MACROD2: variants seen among roughly 807,000 people sequenced by gnomAD.
MACROD2 encodes ADP-ribose glycohydrolase MACROD2.
A neutral mutation model predicts 70.4 loss-of-function variants in MACROD2; 36 were observed. The observed-to-expected ratio is 0.51, with a 90% confidence interval of 0.39 to 0.68. The LOEUF (loss-of-function observed/expected upper bound fraction) is 0.68, where lower values mean the gene tolerates loss of function less well. Among genes scored for constraint, MACROD2 ranks in the 30% least tolerant of loss-of-function variants. The pLI, the probability that MACROD2 is intolerant of heterozygous loss-of-function variation, is 0.00. For synonymous variants in MACROD2, 172 were observed against 178.8 expected (o/e 0.96, Z 0.30); for missense variants, 496 against 538.4 (o/e 0.92, Z 0.78).
chr20:15,665,695 A>G (rs2049887412), intron 8 of MACROD2, among the ~76,000 whole-genome samples: 1 of 152,202 alleles, frequency 6.6e-6, no homozygotes, highest in South Asian at 2.1e-4. Context: ...GGGAAGGAAG[A>G]TGGTGCATCA....
At chr20:14,520,704 C>T (rs2085157890) in intron 4 of MACROD2, among the ~76,000 whole-genome samples, 1 of 152,136 alleles carries the variant, frequency 6.6e-6, no homozygotes, top group Non-Finnish European at 1.5e-5. Context: ...TCCTGACTTC[C>T]CCAGGTAGAG....
chr20:14,267,963 C>T (rs1292537217), intron 3 of MACROD2, among the ~76,000 whole-genome samples: 1 of 115,668 alleles, frequency 8.6e-6, no homozygotes, highest in Non-Finnish European at 2.1e-5. Flanking sequence ...AAGAGCTACC[C>T]ACAAGCACCA....
intron 3 of MACROD2, among the ~76,000 whole-genome samples, chr20:14,482,417 C>A (rs914068812): frequency 6.6e-6 from 1 of 150,658 alleles, no homozygotes. Flanking sequence ...CCACTTTATT[C>A]CTTACTCTAT....
At chr20:15,875,196 T>C (rs2064650827) in intron 9 of MACROD2, among the ~76,000 whole-genome samples, 1 of 152,158 alleles carries the variant, frequency 6.6e-6, no homozygotes, top group Admixed American at 6.6e-5. Context: ...TGTAAGATAA[T>C]AAGTTTGTGT....
chr20:15,859,833 C>G (rs901620700), intron 8 of MACROD2, among the ~76,000 whole-genome samples: 1 of 151,058 alleles, frequency 6.6e-6, no homozygotes, highest in African/African-American at 2.4e-5. Context: ...GGCAACAGAG[C>G]CTAAATGATA....
At chr20:15,050,247 A>G (rs983402179) in intron 5 of MACROD2, among the ~76,000 whole-genome samples, 44 of 152,170 alleles carry the variant, frequency 2.9e-4, no homozygotes, top group African/African-American at 9.7e-4. Flanking sequence ...ATGCATGTTA[A>G]TATGGTTGTA....
At chr20:14,258,508 A>G (rs1410630022) in intron 3 of MACROD2, among the ~76,000 whole-genome samples, 1 of 151,990 alleles carries the variant, frequency 6.6e-6, no homozygotes, top group African/African-American at 2.4e-5. Context: ...GGCTATTTGT[A>G]TATCTTCTTT....
intron 6 of MACROD2, among the ~76,000 whole-genome samples, chr20:15,254,990 A>G (rs2077187217): frequency 7.3e-6 from 1 of 136,208 alleles, no homozygotes; most frequent in Non-Finnish European, 1.5e-5. Flanking sequence ...AACACAATAT[A>G]GTGGTACTTC....
At chr20:14,107,783 G>T (rs1601232582) in intron 3 of MACROD2, among the ~76,000 whole-genome samples, 1 of 152,130 alleles carries the variant, frequency 6.6e-6, no homozygotes, top group African/African-American at 2.4e-5. Flanking sequence ...TATTATGTCT[G>T]GAAAAAATAT....
chr20:14,919,992 C>T (rs2074141693), intron 5 of MACROD2, among the ~76,000 whole-genome samples: 1 of 152,190 alleles, frequency 6.6e-6, no homozygotes, highest in Non-Finnish European at 1.5e-5. Context: ...ACCCTGCCCC[C>T]AGCAGGTGAG....
intron 15 of MACROD2, among the ~76,000 whole-genome samples, chr20:16,035,152 A>T (rs1255857721): frequency 1.1e-5 from 1 of 89,326 alleles, no homozygotes; most frequent in East Asian, 3.0e-4. Context: ...ATTATATATA[A>T]AATATAATAT....
chr20:15,379,658 A>T (rs2045613799), intron 6 of MACROD2, among the ~76,000 whole-genome samples: 1 of 152,036 alleles, frequency 6.6e-6, no homozygotes, highest in Non-Finnish European at 1.5e-5. Flanking sequence ...ATGTATGTCT[A>T]ATTTGTCTAC....
At chr20:14,586,854 A>G (rs561100325) in intron 4 of MACROD2, among the ~76,000 whole-genome samples, 5 of 152,168 alleles carry the variant, frequency 3.3e-5, no homozygotes, top group African/African-American at 9.6e-5. Context: ...AAATTATTTT[A>G]GTTACTATAG....
At chr20:14,692,072 A>G (rs1481605633) in intron 5 of MACROD2, among the ~76,000 whole-genome samples, 3 of 152,208 alleles carry the variant, frequency 2.0e-5, no homozygotes, top group Non-Finnish European at 4.4e-5. Context: ...AAGGGCAGAA[A>G]TATTCTAAAA....
intron 8 of MACROD2, among the ~76,000 whole-genome samples, chr20:15,654,864 G>A (rs143260135): frequency 4.6e-5 from 7 of 152,290 alleles, no homozygotes; most frequent in Non-Finnish European, 1.0e-4. Flanking sequence ...GTCCTTGTGA[G>A]TTGGGGCCCA....
chr20:15,578,811 G>T (rs1294969402), intron 8 of MACROD2, among the ~76,000 whole-genome samples: 1 of 152,088 alleles, frequency 6.6e-6, no homozygotes, highest in African/African-American at 2.4e-5. Context: ...ATGTTTCAGT[G>T]AAAAGCTAAA....
At chr20:14,771,046 A>G (rs1431050357) in intron 5 of MACROD2, among the ~76,000 whole-genome samples, 1 of 152,110 alleles carries the variant, frequency 6.6e-6, no homozygotes, top group East Asian at 1.9e-4. Flanking sequence ...CAGACTGCAT[A>G]AAGCTGATTG....
chr20:14,066,197 A>C (rs1003883379), intron 2 of MACROD2, among the ~76,000 whole-genome samples: 1 of 152,228 alleles, frequency 6.6e-6, no homozygotes, highest in Admixed American at 6.5e-5. Context: ...GATACTGTAA[A>C]TAACTCCATT....
intron 5 of MACROD2, among the ~76,000 whole-genome samples, chr20:14,707,492 A>G (rs2071283541): frequency 6.6e-6 from 1 of 152,112 alleles, no homozygotes; most frequent in Non-Finnish European, 1.5e-5. Flanking sequence ...CTAGAACAAA[A>G]TCCATTGCTG....
Sources: allele counts gnomAD v4.1 joint callset (sites outside exome capture counted in the v4.1 genomes callset), GRCh38; gene constraint gnomAD v4.1.1; transcripts MANE v1.5; gene names NCBI Gene and HGNC (gene_info 2026-07-23, HGNC 2026-07-21).